VEGFC: variants seen among roughly 807,000 people sequenced by gnomAD.
VEGFC encodes FLT4 ligand DHM.
A neutral mutation model predicts 46.1 loss-of-function variants in VEGFC; 12 were observed. That is an observed-to-expected ratio of 0.26 (90% confidence interval 0.17 to 0.42). VEGFC has a LOEUF of 0.42. Ranked by LOEUF, VEGFC falls within the 10% of genes least tolerant of loss-of-function variation. The pLI is 1.00. For missense variants in VEGFC, 488 were observed against 529.4 expected, an observed-to-expected ratio of 0.92 and a Z score of 0.77; for synonymous variants, 232 against 195.5, an observed-to-expected ratio of 1.19 and a Z score of -1.56.
At chr4:176,747,238 T>C (rs910328308) in intron 1 of VEGFC, among the ~76,000 whole-genome samples, 1 of 152,066 alleles carries the variant, frequency 6.6e-6, no homozygotes, top group Non-Finnish European at 1.5e-5. Context: ...ATTGAAGGCA[T>C]GAACTGAATA....
chr4:176,787,307 A>G (rs1050164041), intron 1 of VEGFC, among the ~76,000 whole-genome samples: 3 of 151,894 alleles, frequency 2.0e-5, no homozygotes, highest in Admixed American at 6.6e-5. Context: ...AAATACAAAA[A>G]TTAGCCTGCT....
chr4:176,765,945 G>C (rs1735614623), intron 1 of VEGFC, among the ~76,000 whole-genome samples: 1 of 151,942 alleles, frequency 6.6e-6, no homozygotes, highest in Non-Finnish European at 1.5e-5. Flanking sequence ...AAAAAACAGA[G>C]GGTAATATGG....
chr4:176,722,583 C>T (rs961374374), intron 3 of VEGFC, among the ~76,000 whole-genome samples: 1 of 150,928 alleles, frequency 6.6e-6, no homozygotes, highest in African/African-American at 2.4e-5. Flanking sequence ...GCAGCCTCTG[C>T]CTTCCAGGAT....
At chr4:176,779,365 G>A (rs531700937) in intron 1 of VEGFC, among the ~76,000 whole-genome samples, 100 of 152,288 alleles carry the variant, frequency 6.6e-4, no homozygotes, top group African/African-American at 2.2e-3. Flanking sequence ...TTTGTCATTA[G>A]TAAAAGTAGT....
rs373146571 is a variant in VEGFC, at chr4:176,687,295, G to A, written c.1037C>T (p.Thr346Ile). The change falls in exon 6 of 7, where the codon ACC becomes ATC. Residue 346 changes from threonine to isoleucine, a missense_variant. By Grantham distance (89) the Thr-to-Ile change is moderately conservative. Transcript: ENST00000618562. ...ENTCQCVCKRTCPRNQPLNPG... is the reference protein window; with the variant it reads ...ENTCQCVCKRICPRNQPLNPG... ...ATTTAGGGGTTGATTTCTGGGGCAGGTTCTTTTACATACACACTGGCATGT... is the reference window on the plus strand; with the variant it reads ...ATTTAGGGGTTGATTTCTGGGGCAGATTCTTTTACATACACACTGGCATGT... 30 of 1,613,908 alleles carry A rather than the reference G, an allele frequency of 1.9e-5. No individual in the cohort carries two copies. The highest frequency in any genetic ancestry group is 2.2e-5 in the Non-Finnish European group (26 of 1,180,018).
intron 2 of VEGFC, among the ~76,000 whole-genome samples, chr4:176,728,621 T>C (rs1280674181): frequency 3.3e-5 from 5 of 152,188 alleles, no homozygotes; most frequent in African/African-American, 1.2e-4. Flanking sequence ...AGTTAGTAGC[T>C]TACCTATAAT....
At chr4:176,687,791 G>A (rs372390924) in intron 5 of VEGFC, 30 bp downstream of exon 5, 101 of 1,475,688 alleles carry the variant, frequency 6.8e-5, no homozygotes, top group Non-Finnish European at 8.1e-5. Context: ...GACCCCTGGC[G>A]TTTAGTCTTT....
rs1735134880 is a variant in VEGFC, at chr4:176,740,088, TATATTCTATAC to T, written c.148-10353_148-10343del. On this transcript the variant is annotated intron_variant, in intron 1 of 6. Transcript: ENST00000618562. ...ATATAACTATATATTATATATTCTA[TATATTCTATAC>T]ATATATTCTATATATATATTCTATA... 5.5e-4 allele frequency among the ~76,000 whole-genome samples: 10 copies of T among 18,252 alleles called. 1 individual carries two copies. In the Non-Finnish European group the frequency reaches 0.012, roughly 21 times the overall value. 12.0% of individuals were successfully genotyped at this position (18,252 alleles called of 152,430 possible).
At chr4:176,785,986 G>C (rs1735995834) in intron 1 of VEGFC, among the ~76,000 whole-genome samples, 1 of 62,776 alleles carries the variant, frequency 1.6e-5, no homozygotes, top group South Asian at 9.9e-4. Context: ...TAAGTCAAAA[G>C]TAATCACCAC....
At chr4:176,743,999 T>C (rs143561269) in intron 1 of VEGFC, among the ~76,000 whole-genome samples, 165 of 152,114 alleles carry the variant, frequency 1.1e-3, no homozygotes, top group African/African-American at 3.9e-3. Flanking sequence ...CCAGAAACAT[T>C]TGTTACTAGA....
At chr4:176,780,075 G>T (rs1480623644) in intron 1 of VEGFC, among the ~76,000 whole-genome samples, 3 of 152,162 alleles carry the variant, frequency 2.0e-5, no homozygotes, top group East Asian at 1.9e-4. Context: ...TTTTACAGGG[G>T]TATCTATTAA....
In VEGFC at chr4:176,775,411, G is replaced by C. The variant is rs187810354; in HGVS notation, c.147+16754C>G. 3.3e-3 allele frequency among the ~76,000 whole-genome samples: 504 copies of C among 152,280 alleles called. 5 individuals carry two copies. Among genetic ancestry groups the C allele is most frequent in the Admixed American group, 7.8e-3 (120 of 15,288 alleles). On this transcript the variant is annotated intron_variant, in intron 1 of 6. Coordinates refer to ENST00000618562, the MANE Select transcript of VEGFC (RefSeq NM_005429.5). ...TCTTAATCAGTATAAAAGAGCTTGA[G>C]TATATTTAAAATTGTGTTGGACAGC...
chr4:176,777,193 T>A (rs1735828348), intron 1 of VEGFC, among the ~76,000 whole-genome samples: 1 of 151,944 alleles, frequency 6.6e-6, no homozygotes, highest in Non-Finnish European at 1.5e-5. Context: ...GGCGGGCGCC[T>A]GTAGTCCCAG....
At chr4:176,774,929 C>A (rs1735790545) in intron 1 of VEGFC, among the ~76,000 whole-genome samples, 1 of 151,848 alleles carries the variant, frequency 6.6e-6, no homozygotes, top group Non-Finnish European at 1.5e-5. Context: ...CGTTAGAGAT[C>A]AATTGGTCCA....
intron 1 of VEGFC, among the ~76,000 whole-genome samples, chr4:176,754,469 G>A (rs1014014375): frequency 1.3e-5 from 2 of 151,912 alleles, no homozygotes; most frequent in Admixed American, 1.3e-4. Flanking sequence ...CCCTTTTCTA[G>A]CTTCTAGAAG....
intron 1 of VEGFC, among the ~76,000 whole-genome samples, chr4:176,742,141 T>C (rs1217073329): frequency 6.6e-6 from 1 of 152,024 alleles, no homozygotes; most frequent in Non-Finnish European, 1.5e-5. Context: ...TTTATGTGCT[T>C]ACATGACCAC....
intron 3 of VEGFC, among the ~76,000 whole-genome samples, chr4:176,720,842 T>TA (rs33929788): frequency 4.1e-4 from 32 of 78,204 alleles, no homozygotes; most frequent in African/African-American, 9.4e-4. Flanking sequence ...AGACTCCATC[T>TA]AAAAAAAAAA....
intron 3 of VEGFC, among the ~76,000 whole-genome samples, chr4:176,720,652 T>G (rs1579104982): frequency 6.6e-6 from 1 of 151,642 alleles, no homozygotes; most frequent in South Asian, 2.1e-4. Context: ...CCAGCCTGGC[T>G]AACATGGTGA....
At chr4:176,696,664 C>A (rs1394142646) in intron 4 of VEGFC, among the ~76,000 whole-genome samples, 1 of 151,562 alleles carries the variant, frequency 6.6e-6, no homozygotes, top group Non-Finnish European at 1.5e-5. Flanking sequence ...CAAAAAAGAG[C>A]CTGCATCACC....
Sources: gnomAD v4.1 joint callset for allele counts (sites outside exome capture counted in the v4.1 genomes callset) on GRCh38, gnomAD v4.1.1 for gene constraint, MANE v1.5 for transcripts, NCBI Gene and HGNC (gene_info 2026-07-23, HGNC 2026-07-21) for gene names.